Variants in NAV2 observed in about 807,000 individuals in gnomAD.
NAV2 encodes the protein helicase, APC down-regulated 1.
A neutral mutation model predicts 223.2 loss-of-function variants in NAV2; 54 were observed. The observed-to-expected ratio is 0.24, with a 90% CI of 0.19 to 0.30. The LOEUF (loss-of-function observed/expected upper bound fraction) is 0.30, where lower values mean the gene tolerates loss of function less well. Among genes scored for constraint, NAV2 ranks in the 10% least tolerant of loss-of-function variants. The pLI, the probability that NAV2 is intolerant of heterozygous loss-of-function variation, is 1.00. For synonymous variants in NAV2, 1,279 were observed against 1,239.3 expected, an observed-to-expected ratio of 1.03 and a Z score of -0.67; for missense variants, 2,806 against 3,147.5, an observed-to-expected ratio of 0.89 and a Z score of 2.60.
chr11:19,709,656 G>A (rs1021447780), upstream of NAV2, among the ~76,000 whole-genome samples: 7 of 150,198 alleles, frequency 4.7e-5, no homozygotes, highest in Non-Finnish European at 8.9e-5. Flanking sequence ...CCAATATGAC[G>A]AAACCCCGTC....
intron 1 of NAV2, among the ~76,000 whole-genome samples, chr11:19,367,141 A>G (rs1488545232): frequency 2.0e-5 from 3 of 152,220 alleles, no homozygotes; most frequent in Admixed American, 2.0e-4. Flanking sequence ...TGGCCTCTCA[A>G]TGTTCTCACA....
chr11:19,520,103 CAG>C (rs2043596035), intron 1 of NAV2, among the ~76,000 whole-genome samples: 1 of 152,202 alleles, frequency 6.6e-6, no homozygotes, highest in Non-Finnish European at 1.5e-5. Context: ...CCAAAGGAGA[CAG>C]AGTGTTTCCT....
intron 1 of NAV2, among the ~76,000 whole-genome samples, chr11:19,351,976 AGT>A (rs59544307): frequency 0.024 from 3,452 of 145,452 alleles, 41 homozygotes; most frequent in African/African-American, 0.029. Context: ...TCTCTCTGTG[AGT>A]GTGTGTGTGT....
chr11:19,858,425 G>A (rs1271004265), intron 3 of NAV2, among the ~76,000 whole-genome samples: 1 of 152,092 alleles, frequency 6.6e-6, no homozygotes, highest in Non-Finnish European at 1.5e-5. Context: ...ATTTTATTGT[G>A]TGCATATGCC....
intron 22 of NAV2, among the ~76,000 whole-genome samples, chr11:20,070,430 C>T (rs75013129): frequency 6.6e-6 from 1 of 152,174 alleles, no homozygotes; most frequent in African/African-American, 2.4e-5. Flanking sequence ...GTTCCAGTGA[C>T]CTCGTGCTGC....
rs144415687 is a variant in NAV2 at position 19,707,649 on chromosome 11, T to C, written c.76-124835T>C. 3.6e-3 allele frequency among the ~76,000 whole-genome samples: 555 copies of C among 152,356 alleles called. 2 individuals carry two copies. The highest frequency in any genetic ancestry group is 0.013 in the African/African-American group (537 of 41,580). On this transcript the variant is annotated intron_variant, in intron 1 of 37. Transcript: ENST00000360655. ...TTTAAGTAGAAAGAGTACAGTCTAATATAACAATGAATAGTACAGTAAATA... is the reference window on the plus strand; with the variant it reads ...TTTAAGTAGAAAGAGTACAGTCTAACATAACAATGAATAGTACAGTAAATA...
chr11:20,021,152 A>C (rs1294096389), intron 11 of NAV2, among the ~76,000 whole-genome samples: 1 of 152,112 alleles, frequency 6.6e-6, no homozygotes, highest in African/African-American at 2.4e-5. Context: ...CCGAGCATTT[A>C]TTGCTAATGT....
intron 1 of NAV2, among the ~76,000 whole-genome samples, chr11:19,483,654 A>G (rs1295374674): frequency 6.6e-6 from 1 of 152,174 alleles, no homozygotes. Context: ...ATACTGTAAA[A>G]GTAATGGCCA....
intron 1 of NAV2, among the ~76,000 whole-genome samples, chr11:19,406,843 T>C (rs1358676453): frequency 6.6e-6 from 1 of 152,134 alleles, no homozygotes; most frequent in East Asian, 1.9e-4. Flanking sequence ...TATCACCTCT[T>C]CTCCTGACTG....
intron 1 of NAV2, among the ~76,000 whole-genome samples, chr11:19,818,907 A>G (rs1565369602): frequency 6.6e-6 from 1 of 152,148 alleles, no homozygotes; most frequent in Admixed American, 6.5e-5. Flanking sequence ...CCATTAGTCC[A>G]TCTGTCTATT....
chr11:19,396,933 T>G (rs1056021810), intron 1 of NAV2, among the ~76,000 whole-genome samples: 1 of 152,214 alleles, frequency 6.6e-6, no homozygotes, highest in African/African-American at 2.4e-5. Flanking sequence ...GTGAGGCTCA[T>G]GTGTATTCAC....
chr11:19,643,087 A>T (rs1391155943), intron 1 of NAV2, among the ~76,000 whole-genome samples: 1 of 152,172 alleles, frequency 6.6e-6, no homozygotes, highest in Non-Finnish European at 1.5e-5. Context: ...AGGGGGAATC[A>T]CTATGGTTTT....
intron 1 of NAV2, among the ~76,000 whole-genome samples, chr11:19,517,002 G>A (rs914936253): frequency 6.6e-6 from 1 of 151,174 alleles, no homozygotes; most frequent in Non-Finnish European, 1.5e-5. Flanking sequence ...CTGAACCCAG[G>A]AGTTCATGAC....
At chr11:19,970,981 G>A (rs904180291) in intron 10 of NAV2, among the ~76,000 whole-genome samples, 2 of 152,292 alleles carry the variant, frequency 1.3e-5, no homozygotes, top group East Asian at 1.9e-4. Flanking sequence ...CCTTCTCAGT[G>A]TGGTGTCCTC....
intron 7 of NAV2, among the ~76,000 whole-genome samples, chr11:19,934,547 C>A (rs768252784): frequency 5.1e-4 from 78 of 152,070 alleles, no homozygotes; most frequent in Non-Finnish European, 9.4e-4. Context: ...AAGTGGGGAC[C>A]CCAGGCCTTG....
chr11:19,950,369 C>A (rs1026001949), intron 10 of NAV2, among the ~76,000 whole-genome samples: 1 of 152,142 alleles, frequency 6.6e-6, no homozygotes, highest in Non-Finnish European at 1.5e-5. Context: ...ATATCATAGT[C>A]CCCATTTTAG....
intron 1 of NAV2, among the ~76,000 whole-genome samples, chr11:19,687,158 T>G (rs1308875013): frequency 1.3e-5 from 2 of 152,142 alleles, no homozygotes; most frequent in Non-Finnish European, 2.9e-5. Context: ...ATTATTATGT[T>G]CTCAATACAG....
At chr11:19,643,563 A>T (rs1425182080) in intron 1 of NAV2, among the ~76,000 whole-genome samples, 2 of 152,114 alleles carry the variant, frequency 1.3e-5, no homozygotes, top group Non-Finnish European at 2.9e-5. Context: ...CCAGTCTATC[A>T]TTGTTGGACA....
chr11:19,745,764 C>T (rs567498614), intron 1 of NAV2, among the ~76,000 whole-genome samples: 44 of 152,246 alleles, frequency 2.9e-4, no homozygotes, highest in African/African-American at 9.4e-4. Flanking sequence ...ATCGGGTTCA[C>T]GCTCCTGTGA....
Sources: gnomAD v4.1 joint callset for allele counts (sites outside exome capture counted in the v4.1 genomes callset) on GRCh38, gnomAD v4.1.1 for gene constraint, MANE v1.5 for transcripts, NCBI Gene and HGNC (gene_info 2026-07-23, HGNC 2026-07-21) for gene names.